The following SNX16 variants were observed in gnomAD, a reference collection of about 807,000 sequenced individuals.
SNX16 encodes sorting nexin-16.
Under a neutral mutation model 36.7 loss-of-function variants are expected in SNX16, and 35 were observed. The ratio of observed to expected loss-of-function variants is 0.95; its 90% CI spans 0.73 to 1.27. The LOEUF (loss-of-function observed/expected upper bound fraction) is 1.27. Among genes scored for constraint, SNX16 ranks in the 50% most tolerant of loss-of-function variants. The pLI, the probability that SNX16 is intolerant of heterozygous loss-of-function variation, is 0.00. For missense variants in SNX16, 367 were observed against 393.6 expected (o/e 0.93, Z 0.57); for synonymous variants, 134 against 132.0 (o/e 1.02, Z -0.10).
intron 1 of SNX16, 180 bp downstream of exon 1, chr8:81,841,942 G>A (rs1401298190): frequency 6.6e-6 from 1 of 152,154 alleles, no homozygotes; most frequent in Non-Finnish European, 1.5e-5. Context: ...TGCGCGCCCA[G>A]CGCCTCCCAG....
intron 4 of SNX16, 83 bp from the exon 5 acceptor site, chr8:81,815,477 T>C: frequency 9.2e-7 from 1 of 1,088,060 alleles, no homozygotes; most frequent in Non-Finnish European, 1.3e-6. Context: ...TTTGAAGCTG[T>C]ACAGTGTTTT....
Position 81,819,687 on chromosome 8 carries a change from T to C in SNX16, c.611+4105A>G, listed in dbSNP as rs974791971. ...AAAGCATCTTTTAAATAGTAAGCTC[T>C]AAATAAATATTTATTGAACAGATAA... On this transcript the variant is annotated intron_variant, in intron 4 of 7. Coordinates refer to ENST00000345957, the MANE Select transcript of SNX16 (RefSeq NM_152836.3). Among the ~76,000 whole-genome samples the C allele has an allele frequency of 3.9e-5, 6 of 152,182 alleles. No individual in the cohort carries two copies. The South Asian group carries it at 1.2e-3, about 32-fold the overall frequency.
intron 3 of SNX16, 115 bp downstream of exon 3, chr8:81,829,315 T>C: frequency 2.6e-6 from 1 of 387,652 alleles, no homozygotes. Context: ...AAATTAATTT[T>C]CTTATGAACT....
chr8:81,835,398 T>C lies in SNX16; in HGVS notation c.375+4214A>G, dbSNP rs1014908043. 3.3e-5 allele frequency among the ~76,000 whole-genome samples: 5 copies of C among 152,230 alleles called. No individual in the cohort carries two copies. In the East Asian group the frequency reaches 9.6e-4, roughly 29 times the overall value. On this transcript the variant is annotated intron_variant, in intron 2 of 7. Coordinates refer to ENST00000345957, the MANE Select transcript of SNX16 (RefSeq NM_152836.3). ...GATTAACATTGGGTTCCTTATTACT[T>C]ATGCAAATTTCTACAGCCAGCTTGA...
At chr8:81,833,153 A>G (rs114632222) in intron 2 of SNX16, among the ~76,000 whole-genome samples, 1,575 of 150,164 alleles carry the variant, frequency 0.01, 23 homozygotes, top group African/African-American at 0.035. Flanking sequence ...ATATATTAAT[A>G]AAATAATTTC....
In SNX16 at chr8:81,815,350, G is replaced by GGACC; in HGVS notation, c.652_655dup (p.Pro219ArgfsTer4). 1 of 1,612,538 alleles carries GGACC rather than the reference G, an allele frequency of 6.2e-7. No individual in the cohort carries two copies. The highest frequency in any genetic ancestry group is 8.5e-7 in the Non-Finnish European group (1 of 1,179,142). On this transcript the variant is annotated frameshift_variant, in exon 5 of 8. Coordinates refer to ENST00000345957, the MANE Select transcript of SNX16 (RefSeq NM_152836.3). LOFTEE classifies it high-confidence loss of function. ...CCTGCTTTCTTCTAGGCTATCAAAT[G>GGACC]GACCCGGTGGATCATCCAAACAAAG...
intron 2 of SNX16, among the ~76,000 whole-genome samples, chr8:81,837,554 T>G (rs189295484): frequency 2.0e-5 from 3 of 152,314 alleles, no homozygotes; most frequent in East Asian, 3.9e-4. Flanking sequence ...TTCTGGTTTA[T>G]AGATGGTGCC....
At chr8:81,806,015 A>T (rs915647494) in intron 5 of SNX16, among the ~76,000 whole-genome samples, 2 of 152,220 alleles carry the variant, frequency 1.3e-5, no homozygotes, top group Non-Finnish European at 2.9e-5. Flanking sequence ...TCCCCAAATA[A>T]TCTGAATAAA....
Position 81,803,181 on chromosome 8 carries a change from T to G in SNX16, c.729A>C (p.Glu243Asp). 6.2e-7 allele frequency: 1 copy of G among 1,612,030 alleles called. No individual in the cohort carries two copies. Among genetic ancestry groups the G allele is most frequent in the South Asian group, 1.1e-5 (1 of 90,806 alleles). Residue 243 changes from glutamate (E) to aspartate (D), a missense_variant, in exon 6 of 8, where the codon GAA (glutamate) becomes GAC (aspartate). Glu to Asp is a conservative substitution (Grantham distance 45). Transcript: ENST00000345957. Reference protein sequence around the residue: ...LEETNYRLQKELLEKQKEMES... With the variant: ...LEETNYRLQKDLLEKQKEMES... Reference sequence around the variant, plus strand: ...CCATCTCCTTTTGTTTTTCAAGTAGTTCTTTCTGTAAGCGGTAGTTTGTCT... The same window carrying G: ...CCATCTCCTTTTGTTTTTCAAGTAGGTCTTTCTGTAAGCGGTAGTTTGTCT...
At chr8:81,825,924 A>G (rs1810996038) in intron 3 of SNX16, among the ~76,000 whole-genome samples, 1 of 152,156 alleles carries the variant, frequency 6.6e-6, no homozygotes, top group African/African-American at 2.4e-5. Context: ...CAGAAAATTA[A>G]ATAACAAAAG....
rs1031282895 is a variant in SNX16 at position 81,800,319 on chromosome 8, T to G, written c.*1178A>C. 2.6e-5 allele frequency: 4 copies of G among 151,900 alleles called. No individual in the cohort carries two copies. Among genetic ancestry groups the G allele is most frequent in the Admixed American group, 2.6e-4 (4 of 15,252 alleles). 9.4% of individuals were successfully genotyped at this position (151,900 alleles called of 1,614,324 possible). A position where few individuals can be genotyped will look rare whatever the true frequency, so the allele number is the denominator to read the frequency against. The stretch of plus-strand genomic sequence containing the variant: ...TGAAAATAGAAAATAAATAACTTCA[T>G]CCTATAAAAATGAAACAAGGCACTT... On this transcript the variant is annotated 3_prime_UTR_variant, in exon 8 of 8. Coordinates refer to ENST00000345957, the MANE Select transcript of SNX16 (RefSeq NM_152836.3).
At chr8:81,835,797 G>A (rs1368846782) in intron 2 of SNX16, among the ~76,000 whole-genome samples, 1 of 152,182 alleles carries the variant, frequency 6.6e-6, no homozygotes, top group African/African-American at 2.4e-5. Flanking sequence ...CAATCATGAT[G>A]GAAGGTGAAA....
At chr8:81,825,019 T>C (rs1232006179) in intron 3 of SNX16, among the ~76,000 whole-genome samples, 1 of 152,150 alleles carries the variant, frequency 6.6e-6, no homozygotes, top group Non-Finnish European at 1.5e-5. Flanking sequence ...TCTTGGACTT[T>C]TCTTGCAGCA....
intron 2 of SNX16, among the ~76,000 whole-genome samples, chr8:81,836,447 A>G (rs1270713403): frequency 1.3e-5 from 2 of 152,212 alleles, no homozygotes; most frequent in African/African-American, 4.8e-5. Context: ...TGTTGAACAG[A>G]CATATCAAAT....
chr8:81,840,225 A>T (rs1811683348), intron 1 of SNX16, 143 bp from the exon 2 acceptor site: 4 of 399,112 alleles, frequency 1.0e-5, no homozygotes, highest in Non-Finnish European at 1.8e-5. Flanking sequence ...AGTTGTCTTT[A>T]AGGACTCCTA....
chr8:81,823,107 A>G (rs1810851194), intron 4 of SNX16, among the ~76,000 whole-genome samples: 1 of 151,612 alleles, frequency 6.6e-6, no homozygotes, highest in Non-Finnish European at 1.5e-5. Context: ...TTTGTTTTCC[A>G]TCCTCATGTG....
chr8:81,812,190 T>C (rs141999678), intron 5 of SNX16, among the ~76,000 whole-genome samples: 4 of 152,046 alleles, frequency 2.6e-5, no homozygotes, highest in African/African-American at 9.6e-5. Context: ...ACACAGGGTA[T>C]ACAAATATAC....
chr8:81,810,040 T>A (rs1486343603), intron 5 of SNX16, among the ~76,000 whole-genome samples: 1 of 152,182 alleles, frequency 6.6e-6, no homozygotes, highest in African/African-American at 2.4e-5. Flanking sequence ...AACAGCTTCA[T>A]TACATATTAC....
Position 81,800,417 on chromosome 8 carries a change from T to C in SNX16, c.*1080A>G, listed in dbSNP as rs1326290096. The C allele has an allele frequency of 1.3e-5, 2 of 152,248 alleles. No individual in the cohort carries two copies. Among genetic ancestry groups the C allele is most frequent in the African/African-American group, 4.8e-5 (2 of 41,428 alleles). 9.4% of individuals were successfully genotyped at this position (152,248 alleles called of 1,614,324 possible). ...GCTGACTCAAAGACCCTAGGAGACT[T>C]TTGTAGAAAGTGAAATAGTAAAGGC... On this transcript the variant is annotated 3_prime_UTR_variant, in exon 8 of 8. Coordinates refer to ENST00000345957, the MANE Select transcript of SNX16 (RefSeq NM_152836.3).
Sources: gnomAD v4.1 joint callset for allele counts (sites outside exome capture counted in the v4.1 genomes callset) on GRCh38, gnomAD v4.1.1 for gene constraint, MANE v1.5 for transcripts, NCBI Gene and HGNC (gene_info 2026-07-23, HGNC 2026-07-21) for gene names.